The following LRIF1 variants were observed in gnomAD, a reference collection of about 807,000 sequenced individuals.
LRIF1 encodes ligand dependent nuclear receptor interacting factor 1.
In LRIF1, 32 loss-of-function variants were observed where a neutral mutation model predicts 52.7. That is an observed-to-expected ratio of 0.61 (90% confidence interval 0.46 to 0.82). The LOEUF (loss-of-function observed/expected upper bound fraction) is 0.82. Ranked by LOEUF, LRIF1 falls within the 40% of genes least tolerant of loss-of-function variation. The pLI is 0.00. For missense variants in LRIF1, 887 were observed against 892.0 expected (o/e 0.99, Z 0.07); for synonymous variants, 323 against 317.4 (o/e 1.02, Z -0.19).
At chr1:110,897,065 AG>A in the LRIF1 span, among the ~76,000 whole-genome samples, 1 of 152,226 alleles carries the variant, frequency 6.6e-6, no homozygotes, top group Admixed American at 6.5e-5. Flanking sequence ...TGAAATGTAT[AG>A]GGTTGAGATA....
the LRIF1 span, chr1:110,894,364 T>A: frequency 1.9e-6 from 3 of 1,614,106 alleles, no homozygotes; most frequent in Non-Finnish European, 2.5e-6. Flanking sequence ...CTTGCTGAGG[T>A]GACCTTGGCC....
the LRIF1 span, among the ~76,000 whole-genome samples, chr1:110,880,033 G>T: frequency 2.0e-5 from 3 of 152,318 alleles, no homozygotes; most frequent in East Asian, 3.9e-4. Context: ...AAACTAAAGA[G>T]CAAAGTTGAT....
intron 2 of LRIF1, 106 bp downstream of exon 2, chr1:110,951,182 G>C (rs1263915781): frequency 5.6e-6 from 5 of 887,822 alleles, no homozygotes; most frequent in Non-Finnish European, 8.6e-6. Flanking sequence ...GTGTGTGATG[G>C]GGTTGGCAGT....
Position 110,948,166 on chromosome 1 carries a change from C to A in LRIF1, c.2103G>T (p.Glu701Asp), listed in dbSNP as rs1658288850. The A allele has an allele frequency of 1.2e-6, 2 of 1,613,954 alleles. No individual in the cohort carries two copies. Among genetic ancestry groups the A allele is most frequent in the Non-Finnish European group, 1.7e-6 (2 of 1,179,986 alleles). The stretch of plus-strand genomic sequence containing the variant: ...AATTCAAAGTGCCTTTCTCTTGCTT[C>A]TCATGGGTATAGTATTCCATCTCAG... The part of the protein sequence containing the change: ...KRTEMEYYTH[E>D]KQEKGTLNSN... The change falls in exon 4 of 4, where the codon GAG becomes GAT. Residue 701 changes from glutamate (E) to aspartate (D), a missense_variant. Transcript: ENST00000369763.
At chr1:110,895,084 C>A in the LRIF1 span, 2 of 1,495,866 alleles carry the variant, frequency 1.3e-6, no homozygotes, top group South Asian at 2.3e-5. Flanking sequence ...CTCTTCAGAT[C>A]AGCCCAGACT....
chr1:110,881,764 A>G, the LRIF1 span, among the ~76,000 whole-genome samples: 1 of 152,136 alleles, frequency 6.6e-6, no homozygotes, highest in Admixed American at 6.5e-5. Flanking sequence ...ATCCTCACCA[A>G]CACTTGGTGT....
At chr1:110,886,846 AATAT>A in the LRIF1 span, among the ~76,000 whole-genome samples, 2,157 of 100,972 alleles carry the variant, frequency 0.021, 62 homozygotes, top group African/African-American at 0.056. Flanking sequence ...CTCTGTCTCC[AATAT>A]ATATATATAT....
chr1:110,899,617 G>A, the LRIF1 span: 2 of 172,342 alleles, frequency 1.2e-5, no homozygotes, highest in South Asian at 1.3e-4. Flanking sequence ...GGAGTTCTGG[G>A]GCCAGGCTCA....
chr1:110,891,422 G>C, the LRIF1 span: 8 of 1,613,730 alleles, frequency 5.0e-6, no homozygotes, highest in Non-Finnish European at 6.8e-6. Flanking sequence ...GGCATGAGTA[G>C]CTTGAAACTG....
chr1:110,880,496 T>C, the LRIF1 span, among the ~76,000 whole-genome samples: 3 of 152,122 alleles, frequency 2.0e-5, no homozygotes, highest in Non-Finnish European at 4.4e-5. Flanking sequence ...GACAATCAGG[T>C]TACACGGGCC....
the LRIF1 span, among the ~76,000 whole-genome samples, chr1:110,933,761 C>A: frequency 6.6e-6 from 1 of 152,122 alleles, no homozygotes. Flanking sequence ...GCAGTCCAGG[C>A]TATAAGGACT....
At chr1:110,953,680 G>T (rs957447236) in intron 1 of LRIF1, among the ~76,000 whole-genome samples, 2 of 152,084 alleles carry the variant, frequency 1.3e-5, no homozygotes, top group African/African-American at 2.4e-5. Flanking sequence ...GAGATTACTT[G>T]AATGTAAATA....
At chr1:110,938,616 A>G in the LRIF1 span, 1 of 152,246 alleles carries the variant, frequency 6.6e-6, no homozygotes, top group Non-Finnish European at 1.5e-5. Flanking sequence ...TGAATGGGGA[A>G]TAACTGAAAG....
the LRIF1 span, among the ~76,000 whole-genome samples, chr1:110,893,541 C>G: frequency 6.6e-6 from 1 of 152,222 alleles, no homozygotes; most frequent in East Asian, 1.9e-4. Context: ...AAGCTGGTCT[C>G]TAACTCCCGA....
chr1:110,937,789 T>C, the LRIF1 span: 2 of 151,960 alleles, frequency 1.3e-5, no homozygotes, highest in Non-Finnish European at 2.9e-5. Context: ...AATGGTTTTT[T>C]GAAAAGTTAA....
chr1:110,916,752 G>A, the LRIF1 span, among the ~76,000 whole-genome samples: 1 of 152,080 alleles, frequency 6.6e-6, no homozygotes, highest in Non-Finnish European at 1.5e-5. Context: ...TGTCTTGCAG[G>A]CACTAACCAA....
chr1:110,915,889 T>C, the LRIF1 span, among the ~76,000 whole-genome samples: 1 of 152,250 alleles, frequency 6.6e-6, no homozygotes, highest in Non-Finnish European at 1.5e-5. Context: ...GATTGTCAAC[T>C]GTCTTCTCAA....
rs1463294022 is a variant in LRIF1 at position 110,949,974 on chromosome 1, C to A, written c.1746G>T (p.Val582=). The A allele has an allele frequency of 1.2e-6, 2 of 1,614,016 alleles. No homozygotes were observed. Among genetic ancestry groups the A allele is most frequent in the East Asian group, 2.2e-5 (1 of 44,878 alleles). The change falls in exon 3 of 4, where the codon GTG becomes GTT. Residue 582 remains valine, a synonymous_variant. Coordinates refer to ENST00000369763, the MANE Select transcript of LRIF1 (RefSeq NM_018372.4). The part of the protein sequence containing the change: ...KIFGLTKDLR[V]CLTRIPDHLT... ...AATGGTCAGGAATTCGAGTAAGGCA[C>A]ACTCTCAAATCCTTAGTAAGGCCAA... is the stretch of plus-strand genomic sequence containing the variant.
At chr1:110,893,970 G>A in the LRIF1 span, among the ~76,000 whole-genome samples, 1 of 152,154 alleles carries the variant, frequency 6.6e-6, no homozygotes, top group Non-Finnish European at 1.5e-5. Context: ...CTTGTAGAAA[G>A]GACCAGGCCC....
Sources: allele counts gnomAD v4.1 joint callset (sites outside exome capture counted in the v4.1 genomes callset), GRCh38; gene constraint gnomAD v4.1.1; transcripts MANE v1.5; gene names NCBI Gene and HGNC (gene_info 2026-07-23, HGNC 2026-07-21).